The following CDH18 variants were observed in gnomAD, a reference collection of about 807,000 sequenced individuals.
The protein encoded by CDH18 is cadherin-18.
Under a neutral mutation model 67.9 loss-of-function variants are expected in CDH18, and 31 were observed. The observed-to-expected ratio is 0.46, with a 90% confidence interval of 0.34 to 0.62. CDH18 has a LOEUF of 0.62. Ranked by LOEUF, CDH18 falls within the 20% of genes least tolerant of loss-of-function variation. CDH18 has a pLI of 0.01. For missense variants in CDH18, 890 were observed against 975.5 expected (o/e 0.91, Z 1.17); for synonymous variants, 362 against 347.2 (o/e 1.04, Z -0.48).
At chr5:19,737,732 T>C (rs181821764) in intron 4 of CDH18, among the ~76,000 whole-genome samples, 2 of 152,330 alleles carry the variant, frequency 1.3e-5, no homozygotes. Context: ...TATGTCCTAA[T>C]ACAGTAATTT....
chr5:20,139,079 C>G (rs1235258841), intron 2 of CDH18, among the ~76,000 whole-genome samples: 1 of 152,128 alleles, frequency 6.6e-6, no homozygotes, highest in Non-Finnish European at 1.5e-5. Context: ...TACAAGGCTA[C>G]AGTAACCAAA....
intron 5 of CDH18, among the ~76,000 whole-genome samples, chr5:19,675,413 A>C (rs4386735): frequency 0.9 from 137,059 of 151,944 alleles, 62,453 homozygotes; most frequent in Non-Finnish European, 0.96. Flanking sequence ...TTAACGACAA[A>C]CGTAAAAGAC....
chr5:20,123,904 A>G (rs1301580306), intron 2 of CDH18, among the ~76,000 whole-genome samples: 2 of 152,062 alleles, frequency 1.3e-5, no homozygotes, highest in Admixed American at 1.3e-4. Context: ...AAAAAAAAAA[A>G]AAGAATTTAC....
chr5:20,178,340 C>G (rs1029326728), intron 2 of CDH18, among the ~76,000 whole-genome samples: 5 of 151,880 alleles, frequency 3.3e-5, no homozygotes, highest in Admixed American at 1.3e-4. Flanking sequence ...TTTTATCTAT[C>G]TATGTATCTA....
intron 2 of CDH18, among the ~76,000 whole-genome samples, chr5:19,905,788 G>A (rs970465182): frequency 6.6e-6 from 1 of 151,778 alleles, no homozygotes; most frequent in Admixed American, 6.6e-5. Context: ...AAATCAGAAG[G>A]ATTTGCAAAT....
intron 2 of CDH18, among the ~76,000 whole-genome samples, chr5:20,203,630 T>C (rs1422641295): frequency 3.5e-5 from 5 of 144,830 alleles, no homozygotes; most frequent in African/African-American, 1.3e-4. Context: ...AAAGAATCTC[T>C]AAGCAAATGT....
intron 1 of CDH18, among the ~76,000 whole-genome samples, chr5:20,439,167 C>CGTAAT (rs1553999346): frequency 1.3e-5 from 2 of 150,338 alleles, no homozygotes; most frequent in Non-Finnish European, 1.5e-5. Flanking sequence ...TTTGGATCAA[C>CGTAAT]ATAATTCCAC....
At chr5:19,685,641 T>C (rs1760985439) in intron 5 of CDH18, among the ~76,000 whole-genome samples, 1 of 152,182 alleles carries the variant, frequency 6.6e-6, no homozygotes, top group Non-Finnish European at 1.5e-5. Context: ...CCAGGCAGCA[T>C]GCCCTGGTTG....
chr5:20,055,991 T>C (rs998877054), intron 2 of CDH18, among the ~76,000 whole-genome samples: 2 of 68,274 alleles, frequency 2.9e-5, no homozygotes, highest in African/African-American at 9.9e-5. Context: ...TTTGGTTTCC[T>C]TTTTTTTTTT....
chr5:20,027,512 T>C (rs983315986), intron 2 of CDH18, among the ~76,000 whole-genome samples: 1 of 152,254 alleles, frequency 6.6e-6, no homozygotes, highest in South Asian at 2.1e-4. Flanking sequence ...CATTTCTGGA[T>C]GCTCTACCTA....
chr5:20,527,414 C>T (rs1169950317), intron 1 of CDH18, among the ~76,000 whole-genome samples: 1 of 151,750 alleles, frequency 6.6e-6, no homozygotes, highest in African/African-American at 2.4e-5. Context: ...TCAGAGAACC[C>T]CAATAAGATA....
At chr5:19,766,458 CT>C (rs1773104787) in intron 3 of CDH18, among the ~76,000 whole-genome samples, 1 of 152,158 alleles carries the variant, frequency 6.6e-6, no homozygotes, top group Non-Finnish European at 1.5e-5. Flanking sequence ...ATCATACTTT[CT>C]TACTTAGATT....
chr5:20,555,408 CTTTTTTTTTTTTTT>C (rs774396694), intron 1 of CDH18, among the ~76,000 whole-genome samples: 62 of 103,614 alleles, frequency 6.0e-4, no homozygotes, highest in Non-Finnish European at 8.5e-4. Context: ...ACAAGCTTTT[CTTTTTTTTTTTTTT>C]TTTTTTTTTT....
At chr5:20,188,117 C>T (rs568609352) in intron 2 of CDH18, among the ~76,000 whole-genome samples, 15 of 151,914 alleles carry the variant, frequency 9.9e-5, no homozygotes, top group South Asian at 8.3e-4. Context: ...CTTTATTACA[C>T]GTATTATGCC....
At chr5:20,359,861 C>T (rs536205664) in intron 1 of CDH18, among the ~76,000 whole-genome samples, 1 of 152,056 alleles carries the variant, frequency 6.6e-6, no homozygotes, top group Non-Finnish European at 1.5e-5. Flanking sequence ...TGAATTTTCA[C>T]TGTCTTATAA....
chr5:20,389,941 A>G (rs529570552), intron 1 of CDH18, among the ~76,000 whole-genome samples: 1 of 152,338 alleles, frequency 6.6e-6, no homozygotes, highest in South Asian at 2.1e-4. Flanking sequence ...CCATAGGTAG[A>G]AAGCTGAAAC....
intron 11 of CDH18, among the ~76,000 whole-genome samples, chr5:19,497,591 G>A (rs1300533313): frequency 1.3e-5 from 2 of 152,176 alleles, no homozygotes; most frequent in Non-Finnish European, 2.9e-5. Flanking sequence ...GGAAAGATCC[G>A]ACAAAACCAT....
intron 1 of CDH18, among the ~76,000 whole-genome samples, chr5:20,348,497 T>C (rs987193603): frequency 6.6e-6 from 1 of 152,118 alleles, no homozygotes; most frequent in Non-Finnish European, 1.5e-5. Flanking sequence ...CTTGTCAGAG[T>C]GTGTGGAGGA....
At chr5:20,410,338 A>T (rs1210764533) in intron 1 of CDH18, among the ~76,000 whole-genome samples, 1 of 151,886 alleles carries the variant, frequency 6.6e-6, no homozygotes, top group Non-Finnish European at 1.5e-5. Flanking sequence ...TAAAACAAAA[A>T]TTAATTAGTC....
Sources: gnomAD v4.1 joint callset for allele counts (sites outside exome capture counted in the v4.1 genomes callset) on GRCh38, gnomAD v4.1.1 for gene constraint, MANE v1.5 for transcripts, NCBI Gene and HGNC (gene_info 2026-07-23, HGNC 2026-07-21) for gene names.